The following NRK variants were observed in gnomAD, a reference collection of about 807,000 sequenced individuals.
NRK encodes nik-related protein kinase.
A neutral mutation model predicts 125.2 loss-of-function variants in NRK; 67 were observed. The ratio of observed to expected loss-of-function variants is 0.54; its 90% CI spans 0.44 to 0.66. The LOEUF (loss-of-function observed/expected upper bound fraction) is 0.66, where lower values mean the gene tolerates loss of function less well. Among genes scored for constraint, NRK ranks in the 30% least tolerant of loss-of-function variants. The pLI is 0.00. For missense variants in NRK, 1,224 were observed against 1,192.9 expected (o/e 1.03, Z -0.38); for synonymous variants, 458 against 429.0 (o/e 1.07, Z -0.84).
Position 105,909,492 on chromosome X carries a change from A to G in NRK, c.1851A>G (p.Glu617=). The G allele has an allele frequency of 8.3e-7, 1 of 1,210,685 alleles. No homozygotes were observed. Among genetic ancestry groups the G allele is most frequent in the South Asian group, 1.8e-5 (1 of 56,799 alleles). The change falls in exon 13 of 29, where the codon GAA becomes GAG. Residue 617 remains glutamate, a synonymous_variant. Transcript: ENST00000243300. ...TCATTCCAGTAGAGGGGCAAACTGA[A>G]GGATCACCTCAGGCACAGGCTTGGA... The part of the protein sequence containing the change: ...QVLIPVEGQT[E]GSPQAQAWTL...
At chrX:105,878,558 C>G (rs1337064855) in intron 2 of NRK, among the ~76,000 whole-genome samples, 1 of 111,747 alleles carries the variant, frequency 8.9e-6, no homozygotes, top group Non-Finnish European at 1.9e-5. Context: ...TTGATCCTTA[C>G]AAACTCTGCC....
At chrX:105,886,307 AAAT>A (rs1322060961) in intron 4 of NRK, among the ~76,000 whole-genome samples, 2 of 108,094 alleles carry the variant, frequency 1.9e-5, no homozygotes, top group Admixed American at 1.0e-4. Flanking sequence ...AGAATATTAA[AAAT>A]AATAAGAGCT....
At chrX:105,871,894 C>G (rs2039752989) in intron 2 of NRK, among the ~76,000 whole-genome samples, 1 of 111,747 alleles carries the variant, frequency 8.9e-6, no homozygotes, top group Non-Finnish European at 1.9e-5. Flanking sequence ...CTCTTTGTTA[C>G]TATTCTTGAA....
chrX:105,902,877 T>G (rs2040177212), intron 9 of NRK, among the ~76,000 whole-genome samples: 1 of 111,245 alleles, frequency 9.0e-6, no homozygotes. Flanking sequence ...ATGGAAAAAT[T>G]GTCTTCCACG....
At chrX:105,933,183 T>C (rs1404160895) in intron 19 of NRK, among the ~76,000 whole-genome samples, 1 of 109,088 alleles carries the variant, frequency 9.2e-6, no homozygotes, top group Non-Finnish European at 1.9e-5. Flanking sequence ...TATCTATCTA[T>C]CTATCTATCT....
At chrX:105,846,377 G>T (rs893958377) in intron 2 of NRK, among the ~76,000 whole-genome samples, 2 of 111,731 alleles carry the variant, frequency 1.8e-5, no homozygotes, top group Non-Finnish European at 3.8e-5. Context: ...GTGTGGAGTG[G>T]AATTGAGGCA....
chrX:105,929,540 T>C (rs1442060565), intron 19 of NRK, among the ~76,000 whole-genome samples: 1 of 108,895 alleles, frequency 9.2e-6, no homozygotes, highest in Non-Finnish European at 1.9e-5. Flanking sequence ...GAACACTTAC[T>C]CCTGTCATTT....
chrX:105,933,162 GTCTGTCTATCTA>G (rs1395301714), intron 19 of NRK, among the ~76,000 whole-genome samples: 7 of 92,545 alleles, frequency 7.6e-5, no homozygotes, highest in African/African-American at 2.7e-4. Context: ...AAATATCTAT[GTCTGTCTATCTA>G]TCTATCTATC....
chrX:105,940,467 G>T (rs2040725237), intron 23 of NRK, among the ~76,000 whole-genome samples: 1 of 109,669 alleles, frequency 9.1e-6, no homozygotes, highest in Non-Finnish European at 1.9e-5. Context: ...CTCTTTCTTT[G>T]GAGCAACAGT....
chrX:105,843,385 G>A (rs1303478680), intron 2 of NRK, among the ~76,000 whole-genome samples: 1 of 111,604 alleles, frequency 9.0e-6, no homozygotes, highest in Non-Finnish European at 1.9e-5. Context: ...AAATGACCCC[G>A]ACCCCTCGGA....
chrX:105,899,904 G>T (rs935273895), intron 8 of NRK, among the ~76,000 whole-genome samples: 19 of 109,740 alleles, frequency 1.7e-4, no homozygotes, highest in African/African-American at 6.3e-4. Context: ...GGAGGCAGAG[G>T]TTGCAGTGAG....
chrX:105,944,611 T>A (rs2040789674), intron 24 of NRK, among the ~76,000 whole-genome samples: 1 of 111,182 alleles, frequency 9.0e-6, no homozygotes, highest in Non-Finnish European at 1.9e-5. Context: ...AAATTGAAGC[T>A]GAGAAAGTCC....
chrX:105,891,731 A>G (rs1181469704), intron 5 of NRK, among the ~76,000 whole-genome samples: 1 of 111,380 alleles, frequency 9.0e-6, no homozygotes, highest in Non-Finnish European at 1.9e-5. Flanking sequence ...TAATAAGTTC[A>G]TATGTGATGC....
At chrX:105,842,506 T>C (rs771527828) in intron 2 of NRK, among the ~76,000 whole-genome samples, 11 of 112,301 alleles carry the variant, frequency 9.8e-5, no homozygotes, top group Admixed American at 1.9e-4. Context: ...TGAAAGTTAG[T>C]GCTTTGCTTG....
At chrX:105,873,316 G>A in intron 2 of NRK, among the ~76,000 whole-genome samples, 1 of 111,333 alleles carries the variant, frequency 9.0e-6, no homozygotes, top group Non-Finnish European at 1.9e-5. Context: ...AACTGCTGCG[G>A]AATGGTGGAT....
rs1400211248 is a variant in NRK, at chrX:105,901,848, T to C, written c.766+1176T>C. Among the ~76,000 whole-genome samples the C allele has an allele frequency of 4.5e-5, 5 of 110,904 alleles. No homozygotes were observed. The South Asian group carries it at 1.5e-3, about 34-fold the overall frequency. The stretch of plus-strand genomic sequence containing the variant: ...GATTACATACGACACATATATAAAA[T>C]TGAAATTATACTGAGGGGATGTGGA... On this transcript the variant is annotated intron_variant, in intron 9 of 28. Coordinates refer to ENST00000243300, the MANE Select transcript of NRK (RefSeq NM_198465.4).
In NRK at chrX:105,935,165, T is replaced by C; in HGVS notation, c.3500-5T>C. ...CCTTATTATCTTCCCCTTACATCTT[T>C]GCAGTATACGCTGGATTCGTAGAAG... is the stretch of plus-strand genomic sequence containing the variant. On this transcript the variant is annotated splice_polypyrimidine_tract_variant and splice_region_variant and intron_variant, in intron 20 of 28. Coordinates refer to ENST00000243300, the MANE Select transcript of NRK (RefSeq NM_198465.4). 1 of 1,174,488 alleles carries C rather than the reference T, an allele frequency of 8.5e-7. No homozygotes were observed. The highest frequency in any genetic ancestry group is 2.2e-5 in the Admixed American group (1 of 45,869).
rs184781751 is a variant in NRK, at chrX:105,949,392, G to A, written c.4354-183G>A. Among the ~76,000 whole-genome samples the A allele has an allele frequency of 1.5e-4, 17 of 111,884 alleles. No homozygotes were observed. In the East Asian group the frequency reaches 4.8e-3, roughly 31 times the overall value. On this transcript the variant is annotated intron_variant, in intron 26 of 28. Transcript: ENST00000243300. ...GAATATTTAACAGTTATGAATTTAT[G>A]ACATAAAGAAAGCAGCTCTCTTCAA...
rs1180900379 is a variant in NRK, at chrX:105,946,325, C to A, written c.4214C>A (p.Thr1405Lys). 3 of 1,200,308 alleles carry A rather than the reference C, an allele frequency of 2.5e-6. No individual in the cohort carries two copies. Among genetic ancestry groups the A allele is most frequent in the Non-Finnish European group, 2.2e-6 (2 of 889,616 alleles). The change falls in exon 26 of 29, where the codon ACA becomes AAA. Residue 1405 changes from threonine (T) to lysine (K), a missense_variant. By Grantham distance (78) the Thr-to-Lys change is moderately conservative (BLOSUM62 -1). Transcript: ENST00000243300. The stretch of plus-strand genomic sequence containing the variant: ...GTTTTATATTCACAGGTATTTCCAA[C>A]ACTTGATCATAAGCCAGTGACAGTT... ...LHLLKLKVFP[T>K]LDHKPVTVDL...
Sources: gnomAD v4.1 joint callset for allele counts (sites outside exome capture counted in the v4.1 genomes callset) on GRCh38, gnomAD v4.1.1 for gene constraint, MANE v1.5 for transcripts, NCBI Gene and HGNC (gene_info 2026-07-23, HGNC 2026-07-21) for gene names.